LPP: variants seen among roughly 807,000 people sequenced by gnomAD.
The protein encoded by LPP is lipoma-preferred partner.
A neutral mutation model predicts 60.4 loss-of-function variants in LPP; 38 were observed. That is an observed-to-expected ratio of 0.63 (90% CI 0.49 to 0.83). The LOEUF (loss-of-function observed/expected upper bound fraction) is 0.83, where lower values mean the gene tolerates loss of function less well. LPP is among the 40% of genes least tolerant of loss of function. LPP has a pLI of 0.00. For missense variants in LPP, 902 were observed against 783.6 expected (o/e 1.15, Z -1.80); for synonymous variants, 328 against 290.8 (o/e 1.13, Z -1.30).
rs781691969 is a variant in LPP, at chr3:188,760,106, T to C, written c.1241-7T>C. ...GGTGTGTTCTTATCAAACCCTTTTT[T>C]TTCCAGGCCGCTGTGCTCGCTGTGG... On this transcript the variant is annotated splice_polypyrimidine_tract_variant and splice_region_variant and intron_variant, in intron 8 of 11. Transcript: ENST00000617246. The C allele has an allele frequency of 1.2e-6, 2 of 1,613,546 alleles. No homozygotes were observed. The highest frequency in any genetic ancestry group is 1.7e-6 in the Non-Finnish European group (2 of 1,179,914).
chr3:188,847,189 T>G (rs1761649495), intron 9 of LPP, among the ~76,000 whole-genome samples: 1 of 152,246 alleles, frequency 6.6e-6, no homozygotes, highest in African/African-American at 2.4e-5. Flanking sequence ...GTCTGACATT[T>G]GCTTTTCTGG....
At chr3:188,241,672 C>A (rs1182899012) in intron 2 of LPP, among the ~76,000 whole-genome samples, 1 of 152,132 alleles carries the variant, frequency 6.6e-6, no homozygotes, top group East Asian at 1.9e-4. Flanking sequence ...TCTCTTCAGA[C>A]CTACAGCTTT....
At chr3:188,308,384 A>G (rs900283196) in intron 2 of LPP, among the ~76,000 whole-genome samples, 6 of 152,216 alleles carry the variant, frequency 3.9e-5, no homozygotes, top group African/African-American at 1.4e-4. Flanking sequence ...AATGTGAGTG[A>G]CAATATCATA....
rs781631199 is a variant in LPP at position 188,609,549 on chromosome 3, A to G, written c.818A>G (p.Tyr273Cys). 4 of 1,614,142 alleles carry G rather than the reference A, an allele frequency of 2.5e-6. No individual in the cohort carries two copies. Reference protein sequence around the residue: ...PPPSTRGGMDYAYIPPPGLQP... With the variant: ...PPPSTRGGMDCAYIPPPGLQP... ...CCTTCAACACGGGGAGGCATGGATT[A>G]TGCCTACATTCCACCACCAGGACTT... The change falls in exon 7 of 12, where the codon TAT (tyrosine) becomes TGT (cysteine). Residue 273 changes from tyrosine to cysteine, a missense_variant. Transcript: ENST00000617246. The surrounding 1 kb of genome is among the most constrained non-coding windows in gnomAD (Gnocchi z 6.9).
intron 7 of LPP, among the ~76,000 whole-genome samples, chr3:188,707,216 G>T (rs947423553): frequency 6.6e-6 from 1 of 151,854 alleles, no homozygotes; most frequent in South Asian, 2.1e-4. Flanking sequence ...TACATGGATG[G>T]GTTCTATAGT....
chr3:188,844,918 C>A (rs1761037503), intron 9 of LPP, among the ~76,000 whole-genome samples: 1 of 152,164 alleles, frequency 6.6e-6, no homozygotes, highest in Admixed American at 6.5e-5. Flanking sequence ...AAAATGTGAA[C>A]CAATGAAGGT....
chr3:188,535,065 G>T (rs144735046), intron 6 of LPP, among the ~76,000 whole-genome samples: 48 of 152,232 alleles, frequency 3.2e-4, no homozygotes, highest in African/African-American at 9.9e-4. Context: ...AAGTGAGCAC[G>T]TGTTGCTGTT....
intron 7 of LPP, among the ~76,000 whole-genome samples, chr3:188,623,715 C>A (rs1846252919): frequency 6.6e-6 from 1 of 152,192 alleles, no homozygotes; most frequent in Admixed American, 6.5e-5. Flanking sequence ...TGTGCAGCAA[C>A]TCAAATTGTC....
chr3:188,156,809 C>G (rs138306911), intron 1 of LPP, among the ~76,000 whole-genome samples: 61 of 151,886 alleles, frequency 4.0e-4, no homozygotes, highest in Admixed American at 9.2e-4. Flanking sequence ...TGCACTCTAG[C>G]CTGGGTGACA....
chr3:188,319,733 T>TA (rs1756379592), intron 2 of LPP, among the ~76,000 whole-genome samples: 1 of 152,256 alleles, frequency 6.6e-6, no homozygotes, highest in Admixed American at 6.5e-5. Flanking sequence ...GTTAACATCT[T>TA]ATATAACCAA....
intron 2 of LPP, among the ~76,000 whole-genome samples, chr3:188,248,647 C>T (rs1727985374): frequency 6.6e-6 from 1 of 151,212 alleles, no homozygotes; most frequent in Admixed American, 6.6e-5. Flanking sequence ...TGTTTTTTCC[C>T]TTTCCAAACT....
chr3:188,578,585 T>C (rs1196049614), intron 6 of LPP, among the ~76,000 whole-genome samples: 2 of 151,884 alleles, frequency 1.3e-5, no homozygotes, highest in Non-Finnish European at 2.9e-5. Flanking sequence ...AAATATTATC[T>C]CTCACTTTAA....
chr3:188,697,636 G>A (rs1343899834), intron 7 of LPP, among the ~76,000 whole-genome samples: 1 of 152,078 alleles, frequency 6.6e-6, no homozygotes, highest in African/African-American at 2.4e-5. Context: ...TATAAAGTAT[G>A]TTTCCTGTTA....
intron 2 of LPP, among the ~76,000 whole-genome samples, chr3:188,338,486 CAA>C (rs1475128500): frequency 6.6e-6 from 1 of 152,080 alleles, no homozygotes; most frequent in African/African-American, 2.4e-5. Context: ...TGAAAATGAC[CAA>C]ATTATTATTG....
chr3:188,830,593 A>T (rs372137932), intron 9 of LPP, among the ~76,000 whole-genome samples: 3 of 151,754 alleles, frequency 2.0e-5, no homozygotes, highest in Non-Finnish European at 2.9e-5. Context: ...CAACAGAGTG[A>T]AACTCCGTCT....
chr3:188,646,760 C>T (rs13058978), intron 7 of LPP, among the ~76,000 whole-genome samples: 4 of 152,308 alleles, frequency 2.6e-5, no homozygotes, highest in African/African-American at 7.2e-5. Flanking sequence ...CAAAAAGTTT[C>T]TCAGCTAGGA....
At chr3:188,809,512 C>T (rs1055981257) in intron 9 of LPP, among the ~76,000 whole-genome samples, 1 of 152,118 alleles carries the variant, frequency 6.6e-6, no homozygotes, top group African/African-American at 2.4e-5. Context: ...ATCCTTTGCC[C>T]ACTTTTTGAT....
chr3:188,406,211 A>T lies in LPP; in HGVS notation c.91A>T (p.Asn31Tyr), dbSNP rs761094021. The T allele has an allele frequency of 1.1e-5, 18 of 1,614,152 alleles. No individual in the cohort carries two copies. The East Asian group carries it at 4.0e-4, about 36-fold the overall frequency. The stretch of plus-strand genomic sequence containing the variant: ...GATGGAGACCACCCATTCCTTTGGG[A>T]ACCCCAGCATTTCAGTGTCTACACA... Reference protein sequence around the residue: ...ARMETTHSFGNPSISVSTQQP... With the variant: ...ARMETTHSFGYPSISVSTQQP... The change falls in exon 4 of 12, where the codon AAC becomes TAC. Residue 31 changes from asparagine to tyrosine, a missense_variant. Asn to Tyr is a moderately radical substitution (Grantham distance 143). Transcript: ENST00000617246.
intron 6 of LPP, among the ~76,000 whole-genome samples, chr3:188,605,849 C>T (rs767922055): frequency 5.3e-5 from 8 of 152,114 alleles, no homozygotes; most frequent in Non-Finnish European, 1.2e-4. Flanking sequence ...TTCCCAGGGA[C>T]ATTTGGTTAA....
Sources: allele counts gnomAD v4.1 joint callset (sites outside exome capture counted in the v4.1 genomes callset), GRCh38; gene constraint gnomAD v4.1.1; non-coding constraint Gnocchi (gnomAD v3.1); transcripts MANE v1.5; gene names NCBI Gene and HGNC (gene_info 2026-07-23, HGNC 2026-07-21).